Variants in PTPRM observed in about 807,000 individuals in gnomAD.
The protein encoded by PTPRM is receptor-type tyrosine-protein phosphatase mu.
PTPRM carries 47 observed loss-of-function variants against 186.7 expected under a neutral mutation model. The ratio of observed to expected loss-of-function variants is 0.25; its 90% CI spans 0.20 to 0.32. PTPRM has a LOEUF of 0.32. Ranked by LOEUF, PTPRM falls within the 10% of genes least tolerant of loss-of-function variation. The probability of loss-of-function intolerance (pLI) is 1.00; values close to 1 mark genes in which losing one functional copy is unlikely to be tolerated. For synonymous variants in PTPRM, 668 were observed against 674.9 expected, an observed-to-expected ratio of 0.99 and a Z score of 0.16; for missense variants, 1,494 against 1,865.0, an observed-to-expected ratio of 0.80 and a Z score of 3.66.
chr18:7,973,077 C>G (rs1353809896), intron 7 of PTPRM, among the ~76,000 whole-genome samples: 2 of 152,048 alleles, frequency 1.3e-5, no homozygotes, highest in African/African-American at 2.4e-5. Flanking sequence ...ATATAACCCA[C>G]TCTTATTAGC....
chr18:8,214,293 CTT>C (rs2094049124), intron 14 of PTPRM, among the ~76,000 whole-genome samples: 1 of 152,104 alleles, frequency 6.6e-6, no homozygotes, highest in Non-Finnish European at 1.5e-5. Context: ...TTTTAGAAAA[CTT>C]TTAAAAAATT....
rs563237434 is a variant in PTPRM at position 8,373,886 on chromosome 18, GA to G, written c.3172-2144del. 8.8e-3 allele frequency among the ~76,000 whole-genome samples: 1,135 copies of G among 129,512 alleles called. 12 individuals are homozygous for G. The highest frequency in any genetic ancestry group is 0.025 in the African/African-American group (898 of 35,626). 85.0% of individuals were successfully genotyped at this position (129,512 alleles called of 152,430 possible). On this transcript the variant is annotated intron_variant, in intron 24 of 32. Coordinates refer to ENST00000580170, the MANE Select transcript of PTPRM (RefSeq NM_001105244.2). Reference sequence around the variant, plus strand: ...GGCAACAGAATGAGACCCTGTCTCGGAAAAAAAAAAAAAAAATTAAGTGACT... The same window carrying G: ...GGCAACAGAATGAGACCCTGTCTCGGAAAAAAAAAAAAAAATTAAGTGACT...
chr18:7,946,100 C>T (rs2052506151), intron 5 of PTPRM, among the ~76,000 whole-genome samples: 1 of 152,190 alleles, frequency 6.6e-6, no homozygotes, highest in Non-Finnish European at 1.5e-5. Context: ...TTATAGGGCC[C>T]ATCTGTGGCA....
chr18:7,981,810 T>C (rs2082567107), intron 7 of PTPRM, among the ~76,000 whole-genome samples: 2 of 152,218 alleles, frequency 1.3e-5, no homozygotes, highest in Non-Finnish European at 2.9e-5. Context: ...TTGTAGAGCA[T>C]GTTACTGTAT....
chr18:7,883,136 T>G (rs1369324715), intron 2 of PTPRM, among the ~76,000 whole-genome samples: 1 of 152,232 alleles, frequency 6.6e-6, no homozygotes, highest in African/African-American at 2.4e-5. Context: ...TATATACTAG[T>G]GACTTAAGGG....
Position 8,376,525 on chromosome 18 carries a change from G to A in PTPRM, c.3390G>A (p.Arg1130=), listed in dbSNP as rs747087221. The A allele has an allele frequency of 1.9e-6, 3 of 1,614,074 alleles. No individual in the cohort carries two copies. The highest frequency in any genetic ancestry group is 4.5e-5 in the East Asian group (2 of 44,866). ...VIDIMLDMAE[R]EGVVDIYNCV... Reference sequence around the variant, plus strand: ...ATATCATGTTGGACATGGCCGAAAGGGAAGGGGTCGTAGACATCTACAACT... The same window carrying A: ...ATATCATGTTGGACATGGCCGAAAGAGAAGGGGTCGTAGACATCTACAACT... Residue 1130 remains arginine (R), a synonymous_variant, in exon 26 of 33, where the codon AGG becomes AGA. Coordinates refer to ENST00000580170, the MANE Select transcript of PTPRM (RefSeq NM_001105244.2).
At chr18:8,207,374 A>G (rs967870173) in intron 14 of PTPRM, among the ~76,000 whole-genome samples, 1 of 152,216 alleles carries the variant, frequency 6.6e-6, no homozygotes, top group African/African-American at 2.4e-5. Context: ...GAATTTTCCA[A>G]TGCAGTGATT....
chr18:8,240,792 GA>G (rs2094422296), intron 14 of PTPRM, among the ~76,000 whole-genome samples: 1 of 35,436 alleles, frequency 2.8e-5, no homozygotes, highest in East Asian at 4.0e-4. Flanking sequence ...GAGAGAGAGA[GA>G]GAGAGAGAGA....
At position 7,632,734 on chromosome 18, in the gene PTPRM, T is replaced by A. The variant is rs572335721; in HGVS notation, c.73+64843T>A. ...AAATTATCTGGATTTAGGGATGGTATTTGGGATGAAATAATGGAGAGTTAG... is the reference window on the plus strand; with the variant it reads ...AAATTATCTGGATTTAGGGATGGTAATTGGGATGAAATAATGGAGAGTTAG... On this transcript the variant is annotated intron_variant, in intron 1 of 32. Transcript: ENST00000580170. Among the ~76,000 whole-genome samples, 137 of 152,308 alleles carry A rather than the reference T, an allele frequency of 9.0e-4. 1 individual carries two copies. Among genetic ancestry groups the A allele is most frequent in the Non-Finnish European group, 1.5e-3 (103 of 68,022 alleles).
chr18:7,590,816 C>T (rs1022694375), intron 1 of PTPRM, among the ~76,000 whole-genome samples: 18 of 152,140 alleles, frequency 1.2e-4, no homozygotes, highest in African/African-American at 4.3e-4. Context: ...AAAATATTAA[C>T]CACAGTTAAT....
intron 13 of PTPRM, among the ~76,000 whole-genome samples, chr18:8,127,751 T>TTCATTCATTCATTCAC (rs2092407348): frequency 6.6e-6 from 1 of 152,152 alleles, no homozygotes; most frequent in African/African-American, 2.4e-5. Context: ...CTATCATTCA[T>TTCATTCATTCATTCAC]TCATTCATTC....
intron 29 of PTPRM, among the ~76,000 whole-genome samples, 174 bp from the exon 30 acceptor site, chr18:8,384,387 G>A (rs1309760938): frequency 6.6e-6 from 1 of 152,152 alleles, no homozygotes; most frequent in Non-Finnish European, 1.5e-5. Context: ...GAGCCCAGGA[G>A]CTCAAGGCTG....
At chr18:8,255,513 G>A (rs1294616901) in intron 19 of PTPRM, among the ~76,000 whole-genome samples, 9 of 152,076 alleles carry the variant, frequency 5.9e-5, no homozygotes, top group Non-Finnish European at 1.3e-4. Flanking sequence ...AAAATAAAGT[G>A]TTGTATTCAT....
intron 2 of PTPRM, among the ~76,000 whole-genome samples, chr18:7,873,793 T>C (rs1225346559): frequency 6.6e-6 from 1 of 152,200 alleles, no homozygotes; most frequent in Non-Finnish European, 1.5e-5. Context: ...TGATCATTAA[T>C]AAATTAAAAA....
chr18:8,313,681 G>T (rs929681246), intron 20 of PTPRM, among the ~76,000 whole-genome samples: 1 of 151,668 alleles, frequency 6.6e-6, no homozygotes, highest in Non-Finnish European at 1.5e-5. Flanking sequence ...AGATTTTGGC[G>T]CACCCGTCAC....
At chr18:7,824,933 A>G (rs1276561761) in intron 2 of PTPRM, among the ~76,000 whole-genome samples, 1 of 152,146 alleles carries the variant, frequency 6.6e-6, no homozygotes, top group Non-Finnish European at 1.5e-5. Flanking sequence ...CCTCTATTGT[A>G]TTTTCCAGAC....
chr18:7,941,694 C>T (rs1360030280), intron 5 of PTPRM, among the ~76,000 whole-genome samples: 7 of 152,224 alleles, frequency 4.6e-5, no homozygotes, highest in East Asian at 1.9e-4. Flanking sequence ...CAGAAACAGA[C>T]GTCAGCGTTG....
At chr18:8,189,675 G>C (rs2093685969) in intron 14 of PTPRM, among the ~76,000 whole-genome samples, 1 of 152,140 alleles carries the variant, frequency 6.6e-6, no homozygotes, top group African/African-American at 2.4e-5. Context: ...TGAGGAGCCT[G>C]GGGTTGGCAC....
At chr18:8,368,531 A>G (rs956481907) in intron 23 of PTPRM, among the ~76,000 whole-genome samples, 1 of 152,208 alleles carries the variant, frequency 6.6e-6, no homozygotes, top group African/African-American at 2.4e-5. Context: ...CCTGCTTTAC[A>G]GTATCTGCAA....
Sources: allele counts gnomAD v4.1 joint callset (sites outside exome capture counted in the v4.1 genomes callset), GRCh38; gene constraint gnomAD v4.1.1; transcripts MANE v1.5; gene names NCBI Gene and HGNC (gene_info 2026-07-23, HGNC 2026-07-21).